The following OTUD7A variants were observed in gnomAD, a reference collection of about 807,000 sequenced individuals.
OTUD7A encodes the protein OTU deubiquitinase 7A.
In OTUD7A, 12 loss-of-function variants were observed where a neutral mutation model predicts 65.7. That is an observed-to-expected ratio of 0.18 (90% confidence interval 0.12 to 0.30). The LOEUF is 0.30. Among genes scored for constraint, OTUD7A ranks in the 10% least tolerant of loss-of-function variants. The pLI, the probability that OTUD7A is intolerant of heterozygous loss-of-function variation, is 1.00. For synonymous variants in OTUD7A, 641 were observed against 586.3 expected, an observed-to-expected ratio of 1.09 and a Z score of -1.35; for missense variants, 1,148 against 1,304.8, an observed-to-expected ratio of 0.88 and a Z score of 1.85.
chr15:31,808,811 G>T (rs1896347087), intron 1 of OTUD7A, among the ~76,000 whole-genome samples: 1 of 152,230 alleles, frequency 6.6e-6, no homozygotes, highest in Admixed American at 6.5e-5. Flanking sequence ...ACTTCATTTA[G>T]CAGACAAGCC....
chr15:31,696,524 C>T (rs1893087734), intron 1 of OTUD7A, among the ~76,000 whole-genome samples: 1 of 126,990 alleles, frequency 7.9e-6, no homozygotes, highest in Admixed American at 8.4e-5. Context: ...TCCACTTCCT[C>T]CCACACCTGC....
At chr15:31,669,072 C>T (rs1892408731) in intron 1 of OTUD7A, among the ~76,000 whole-genome samples, 2 of 152,206 alleles carry the variant, frequency 1.3e-5, no homozygotes, top group Non-Finnish European at 2.9e-5. Flanking sequence ...GTCAAATGGA[C>T]TCTGCAAGGA....
chr15:31,483,465 C>T lies in OTUD7A; in HGVS notation c.2631G>A (p.Pro877=). The part of the protein sequence containing the change: ...DGLEFADADA[P]TARSNGECGR... Reference sequence around the variant, plus strand: ...CGCACTCACCGTTCGAGCGCGCGGTCGGCGCGTCGGCGTCGGCGAACTCCA... The same window carrying T: ...CGCACTCACCGTTCGAGCGCGCGGTTGGCGCGTCGGCGTCGGCGAACTCCA... Residue 877 remains proline, a synonymous_variant, in exon 13 of 13, where the codon CCG becomes CCA. Coordinates refer to ENST00000307050, the MANE Select transcript of OTUD7A (RefSeq NM_001382637.1). 7.2e-7 allele frequency: 1 copy of T among 1,379,434 alleles called. No homozygotes were observed. The allele number at this position is 1,379,434 out of a possible 1,614,324, so 85.4% of individuals were successfully genotyped here. A position where few individuals can be genotyped will look rare whatever the true frequency, so the allele number is the denominator to read the frequency against.
At chr15:31,542,804 G>C (rs1008719485) in intron 5 of OTUD7A, among the ~76,000 whole-genome samples, 53 of 148,752 alleles carry the variant, frequency 3.6e-4, no homozygotes, top group African/African-American at 1.3e-3. Context: ...CTCTTCAAAG[G>C]AACAATGGAA....
chr15:31,543,730 T>C (rs1227767289), intron 5 of OTUD7A, among the ~76,000 whole-genome samples: 1 of 151,890 alleles, frequency 6.6e-6, no homozygotes, highest in Non-Finnish European at 1.5e-5. Flanking sequence ...TTCAATAACA[T>C]AGCATTATAT....
chr15:31,620,321 G>A (rs562177737), intron 3 of OTUD7A, among the ~76,000 whole-genome samples: 2 of 152,204 alleles, frequency 1.3e-5, no homozygotes, highest in African/African-American at 4.8e-5. Flanking sequence ...TCTATTGATT[G>A]GAATAGTTTC....
chr15:31,584,647 C>T (rs1438870479), intron 3 of OTUD7A, among the ~76,000 whole-genome samples: 2 of 152,204 alleles, frequency 1.3e-5, no homozygotes, highest in Non-Finnish European at 2.9e-5. Flanking sequence ...AAGATTGTTG[C>T]CAGTAGAAAT....
intron 1 of OTUD7A, among the ~76,000 whole-genome samples, chr15:31,792,858 C>T (rs73380529): frequency 6.6e-6 from 1 of 152,314 alleles, no homozygotes; most frequent in African/African-American, 2.4e-5. Context: ...CTCTTCTGTG[C>T]AGACCCCAGG....
intron 9 of OTUD7A, among the ~76,000 whole-genome samples, chr15:31,502,276 AC>A (rs2041480446): frequency 6.6e-6 from 1 of 152,226 alleles, no homozygotes. Context: ...GAGCTCCAGG[AC>A]CAAGATGTAA....
intron 10 of OTUD7A, among the ~76,000 whole-genome samples, chr15:31,488,818 C>A (rs747731362): frequency 6.6e-6 from 1 of 152,238 alleles, no homozygotes; most frequent in Non-Finnish European, 1.5e-5. Context: ...TCTCCACCCC[C>A]GCACCTCTTC....
intron 8 of OTUD7A, among the ~76,000 whole-genome samples, chr15:31,516,181 T>G (rs1196542263): frequency 6.6e-6 from 1 of 152,198 alleles, no homozygotes; most frequent in African/African-American, 2.4e-5. Flanking sequence ...GTAACAACGG[T>G]GCAAAGGTTA....
chr15:31,660,348 G>A (rs1281615513), intron 1 of OTUD7A, among the ~76,000 whole-genome samples: 1 of 152,204 alleles, frequency 6.6e-6, no homozygotes, highest in Non-Finnish European at 1.5e-5. Flanking sequence ...TGTGACCTTG[G>A]GCAAGCGTGG....
chr15:31,634,595 C>T (rs577454520), intron 3 of OTUD7A, among the ~76,000 whole-genome samples: 2 of 152,350 alleles, frequency 1.3e-5, no homozygotes, highest in South Asian at 4.1e-4. Context: ...GGAGTTCCCT[C>T]CTTATCCCTC....
chr15:31,594,361 C>G (rs1889841670), intron 3 of OTUD7A, among the ~76,000 whole-genome samples: 2 of 152,352 alleles, frequency 1.3e-5, no homozygotes, highest in African/African-American at 2.4e-5. Flanking sequence ...CTTCATGTCT[C>G]TTGAGTGTTT....
At chr15:31,700,351 C>T (rs1176108787) in intron 1 of OTUD7A, among the ~76,000 whole-genome samples, 1 of 152,066 alleles carries the variant, frequency 6.6e-6, no homozygotes, top group East Asian at 1.9e-4. Flanking sequence ...CACCCTTTGC[C>T]CTGCTCTCTG....
rs1217338865 is a variant in OTUD7A, at chr15:31,610,612, TA to T, written c.152-40416del. Among the ~76,000 whole-genome samples, 270 of 48,700 alleles carry T rather than the reference TA, an allele frequency of 5.5e-3. 6 individuals are homozygous for T. Among genetic ancestry groups the T allele is most frequent in the African/African-American group, 0.02 (253 of 12,356 alleles). 31.9% of individuals were successfully genotyped at this position (48,700 alleles called of 152,430 possible). A position where few individuals can be genotyped will look rare whatever the true frequency, so the allele number is the denominator to read the frequency against. On this transcript the variant is annotated intron_variant, in intron 3 of 12. Coordinates refer to ENST00000307050, the MANE Select transcript of OTUD7A (RefSeq NM_001382637.1). Reference sequence around the variant, plus strand: ...ATGAAATTATATATATATATATATATATATATTTTTTTTTTTTTTTTTTTTT... The same window carrying T: ...ATGAAATTATATATATATATATATATTATATTTTTTTTTTTTTTTTTTTTT...
At chr15:31,827,634 T>C (rs1338393180) in intron 1 of OTUD7A, among the ~76,000 whole-genome samples, 1 of 152,210 alleles carries the variant, frequency 6.6e-6, no homozygotes. Flanking sequence ...AAACTCTTTG[T>C]TAGAAAATCA....
chr15:31,848,546 C>G (rs1402044007), intron 1 of OTUD7A, among the ~76,000 whole-genome samples: 1 of 152,222 alleles, frequency 6.6e-6, no homozygotes, highest in Admixed American at 6.5e-5. Flanking sequence ...AGCCATCAAC[C>G]TCTAAGCTGC....
chr15:31,772,048 C>G (rs1035052042), intron 1 of OTUD7A, among the ~76,000 whole-genome samples: 2 of 151,772 alleles, frequency 1.3e-5, no homozygotes, highest in Non-Finnish European at 2.9e-5. Flanking sequence ...GTCAGGAGAT[C>G]GAGACCATCC....
Sources: gnomAD v4.1 joint callset for allele counts (sites outside exome capture counted in the v4.1 genomes callset) on GRCh38, gnomAD v4.1.1 for gene constraint, MANE v1.5 for transcripts, NCBI Gene and HGNC (gene_info 2026-07-23, HGNC 2026-07-21) for gene names.